MAF: variants seen among roughly 807,000 people sequenced by gnomAD.
The protein encoded by MAF is transcription factor Maf.
In MAF, 10 loss-of-function variants were observed where a neutral mutation model predicts 22.0. The ratio of observed to expected loss-of-function variants is 0.45; its 90% CI spans 0.28 to 0.77. MAF has a LOEUF of 0.77. MAF is among the 30% of genes least tolerant of loss of function. The pLI, the probability that MAF is intolerant of heterozygous loss-of-function variation, is 0.12. For missense variants in MAF, 544 were observed against 548.4 expected, an observed-to-expected ratio of 0.99 and a Z score of 0.08; for synonymous variants, 337 against 255.8, an observed-to-expected ratio of 1.32 and a Z score of -3.03.
the MAF span, among the ~76,000 whole-genome samples, chr16:79,236,944 G>GAAAAAAAAAA: frequency 7.1e-6 from 1 of 140,658 alleles, no homozygotes; most frequent in African/African-American, 2.6e-5. Flanking sequence ...ATAAATCTCG[G>GAAAAAAAAAA]AAAAAAAAAA....
chr16:79,552,851 TGAGAG>T, the MAF span, among the ~76,000 whole-genome samples: 1 of 152,218 alleles, frequency 6.6e-6, no homozygotes, highest in African/African-American at 2.4e-5. Flanking sequence ...TGTTGACACA[TGAGAG>T]ACCAGAGCTA....
chr16:79,450,380 T>C, the MAF span, among the ~76,000 whole-genome samples: 1 of 152,230 alleles, frequency 6.6e-6, no homozygotes, highest in African/African-American at 2.4e-5. Context: ...AATGTCCATC[T>C]ATCAATGTAG....
the MAF span, among the ~76,000 whole-genome samples, chr16:79,539,911 G>C: frequency 6.6e-5 from 10 of 152,136 alleles, no homozygotes; most frequent in African/African-American, 2.4e-4. Context: ...ATGAAATTAT[G>C]AGTGATTTTT....
chr16:79,439,187 G>A, the MAF span, among the ~76,000 whole-genome samples: 1 of 151,036 alleles, frequency 6.6e-6, no homozygotes, highest in Non-Finnish European at 1.5e-5. Flanking sequence ...GTATTAAGCA[G>A]TTCTTTGCAC....
chr16:79,390,047 G>A, the MAF span, among the ~76,000 whole-genome samples: 2 of 139,350 alleles, frequency 1.4e-5, no homozygotes, highest in Non-Finnish European at 3.1e-5. Context: ...TCTTTTTCCA[G>A]AAAAATCTTC....
At chr16:79,501,886 A>T in the MAF span, among the ~76,000 whole-genome samples, 1 of 152,148 alleles carries the variant, frequency 6.6e-6, no homozygotes, top group African/African-American at 2.4e-5. Flanking sequence ...GATATTTATT[A>T]GGAACTCTGT....
At chr16:79,272,850 C>T in the MAF span, among the ~76,000 whole-genome samples, 1 of 152,176 alleles carries the variant, frequency 6.6e-6, no homozygotes, top group East Asian at 1.9e-4. Context: ...GTCTTGGCAC[C>T]TGTTTGCCAA....
chr16:79,301,528 C>A, the MAF span, among the ~76,000 whole-genome samples: 44 of 151,980 alleles, frequency 2.9e-4, no homozygotes, highest in Non-Finnish European at 5.0e-4. Flanking sequence ...GATGAGACTA[C>A]GTGAGGATGT....
chr16:79,449,596 T>C, the MAF span, among the ~76,000 whole-genome samples: 1 of 152,206 alleles, frequency 6.6e-6, no homozygotes, highest in Non-Finnish European at 1.5e-5. Flanking sequence ...GGCAGAATGC[T>C]ACAACGCCGG....
the MAF span, among the ~76,000 whole-genome samples, chr16:79,328,031 A>G: frequency 2.6e-5 from 4 of 152,320 alleles, no homozygotes; most frequent in African/African-American, 9.6e-5. Context: ...TTCTCTGTGC[A>G]ATGGGCATAA....
chr16:79,543,718 G>C, the MAF span, among the ~76,000 whole-genome samples: 2 of 133,092 alleles, frequency 1.5e-5, no homozygotes, highest in Admixed American at 1.8e-4. Flanking sequence ...ACGGAGTCTC[G>C]CTCTGTCGCC....
At chr16:79,568,639 T>C in the MAF span, among the ~76,000 whole-genome samples, 1 of 152,200 alleles carries the variant, frequency 6.6e-6, no homozygotes, top group Non-Finnish European at 1.5e-5. Context: ...GGATCTGGCC[T>C]GCAATACTAA....
chr16:79,525,944 G>A, the MAF span, among the ~76,000 whole-genome samples: 5 of 152,292 alleles, frequency 3.3e-5, no homozygotes, highest in East Asian at 5.8e-4. Context: ...AAGATTCTTG[G>A]AGACGTGAGG....
chr16:79,445,569 C>G, the MAF span, among the ~76,000 whole-genome samples: 1 of 152,158 alleles, frequency 6.6e-6, no homozygotes, highest in East Asian at 1.9e-4. Flanking sequence ...CTCAGGTGCC[C>G]CTTGTCCACT....
chr16:79,453,782 T>A, the MAF span, among the ~76,000 whole-genome samples: 1 of 152,318 alleles, frequency 6.6e-6, no homozygotes, highest in Admixed American at 6.5e-5. Flanking sequence ...CCCATATTTA[T>A]TGGAGACTGG....
the MAF span, among the ~76,000 whole-genome samples, chr16:79,494,750 T>TC: frequency 6.6e-6 from 1 of 152,124 alleles, no homozygotes; most frequent in Non-Finnish European, 1.5e-5. Context: ...GTTATGCAGA[T>TC]CCCGTAGATG....
At chr16:79,232,461 T>C in the MAF span, among the ~76,000 whole-genome samples, 2 of 152,032 alleles carry the variant, frequency 1.3e-5, no homozygotes, top group Admixed American at 1.3e-4. Context: ...CAATTTCTCT[T>C]TTATATGGAG....
At chr16:79,453,882 T>C in the MAF span, among the ~76,000 whole-genome samples, 1 of 152,218 alleles carries the variant, frequency 6.6e-6, no homozygotes, top group Non-Finnish European at 1.5e-5. Flanking sequence ...TGAATGTATG[T>C]GGATTAAACA....
the MAF span, among the ~76,000 whole-genome samples, chr16:79,210,320 C>T: frequency 6.6e-6 from 1 of 152,176 alleles, no homozygotes; most frequent in East Asian, 1.9e-4. Context: ...CCCTATTTCT[C>T]AGTATGGACC....
Sources: gnomAD v4.1 joint callset for allele counts (sites outside exome capture counted in the v4.1 genomes callset) on GRCh38, gnomAD v4.1.1 for gene constraint, MANE v1.5 for transcripts, NCBI Gene and HGNC (gene_info 2026-07-23, HGNC 2026-07-21) for gene names.